Variants in BEND6 observed in about 807,000 individuals in gnomAD.
BEND6 encodes the protein BEN domain-containing protein 6.
Under a neutral mutation model 31.8 loss-of-function variants are expected in BEND6, and 24 were observed. That is an observed-to-expected ratio of 0.75 (90% CI 0.55 to 1.06). BEND6 has a LOEUF of 1.06. BEND6 is among the 50% of genes least tolerant of loss of function. The probability of loss-of-function intolerance (pLI) is 0.00; values close to 1 mark genes in which losing one functional copy is unlikely to be tolerated. For missense variants in BEND6, 294 were observed against 327.4 expected, an observed-to-expected ratio of 0.90 and a Z score of 0.79; for synonymous variants, 109 against 114.6, an observed-to-expected ratio of 0.95 and a Z score of 0.31.
chr6:56,975,950 G>A (rs1325718450), intron 1 of BEND6: 15 of 529,618 alleles, frequency 2.8e-5, no homozygotes, highest in African/African-American at 5.8e-5. Context: ...CAGCACCAGA[G>A]CATACACAGT....
intron 3 of BEND6, among the ~76,000 whole-genome samples, chr6:57,001,155 CTTTTTT>C (rs33918532): frequency 1.7e-5 from 2 of 118,240 alleles, no homozygotes; most frequent in Non-Finnish European, 1.8e-5. Context: ...AAGAAAAAGT[CTTTTTT>C]TTTTTTTTTT....
intron 4 of BEND6, among the ~76,000 whole-genome samples, chr6:57,016,375 T>C (rs991052263): frequency 5.6e-4 from 85 of 152,258 alleles, no homozygotes; most frequent in African/African-American, 2.0e-3. Context: ...CTTAGAGTTC[T>C]ATAGATCAGA....
chr6:57,024,433 G>T (rs1303788662), intron 6 of BEND6, among the ~76,000 whole-genome samples: 1 of 151,930 alleles, frequency 6.6e-6, no homozygotes, highest in African/African-American at 2.4e-5. Flanking sequence ...CTCTGGGAAA[G>T]ATTTTACATA....
intron 1 of BEND6, among the ~76,000 whole-genome samples, chr6:56,973,670 G>A (rs1825771154): frequency 6.6e-6 from 1 of 152,180 alleles, no homozygotes; most frequent in South Asian, 2.1e-4. Flanking sequence ...GGATACGCTG[G>A]ACAAAGGGAC....
At chr6:56,992,952 A>G (rs1826565032) in intron 3 of BEND6, among the ~76,000 whole-genome samples, 1 of 152,208 alleles carries the variant, frequency 6.6e-6, no homozygotes, top group South Asian at 2.1e-4. Context: ...TCTCTAGAAA[A>G]TGGAGCTTAT....
intron 2 of BEND6, among the ~76,000 whole-genome samples, chr6:56,988,785 T>C (rs746628046): frequency 1.5e-4 from 23 of 152,156 alleles, no homozygotes; most frequent in Non-Finnish European, 2.9e-5. Context: ...TCCCAGCACT[T>C]TGGGAGTCCG....
intron 2 of BEND6, among the ~76,000 whole-genome samples, chr6:56,983,958 C>A (rs902049081): frequency 2.6e-5 from 4 of 152,114 alleles, no homozygotes; most frequent in African/African-American, 9.7e-5. Flanking sequence ...GTGGCTTACA[C>A]CTATAATCCC....
intron 2 of BEND6, among the ~76,000 whole-genome samples, chr6:56,991,129 A>G (rs1826482321): frequency 6.6e-6 from 1 of 152,156 alleles, no homozygotes; most frequent in South Asian, 2.1e-4. Context: ...AACATTTAAA[A>G]ATAAATTAAT....
At chr6:57,018,669 A>G (rs1003891427) in intron 6 of BEND6, 112 bp downstream of exon 6, 3 of 1,111,214 alleles carry the variant, frequency 2.7e-6, no homozygotes, top group Non-Finnish European at 3.5e-6. Context: ...CTAGTGACCC[A>G]TGAAAAGCTA....
intron 1 of BEND6, among the ~76,000 whole-genome samples, chr6:56,957,066 C>T (rs956986235): frequency 5.3e-5 from 8 of 152,214 alleles, no homozygotes; most frequent in Non-Finnish European, 1.0e-4. Flanking sequence ...ATGTCAAAGA[C>T]ACACAGAATA....
At chr6:56,985,014 C>T (rs1268022977) in intron 2 of BEND6, among the ~76,000 whole-genome samples, 1 of 152,328 alleles carries the variant, frequency 6.6e-6, no homozygotes, top group African/African-American at 2.4e-5. Context: ...TGTCTGCTTG[C>T]ACACTGACCA....
At chr6:56,979,188 A>C (rs1260591354) in intron 1 of BEND6, among the ~76,000 whole-genome samples, 1 of 152,172 alleles carries the variant, frequency 6.6e-6, no homozygotes, top group Admixed American at 6.5e-5. Context: ...CCTAACCTTT[A>C]ATTGGGAGTA....
At chr6:56,975,854 C>G in intron 1 of BEND6, 1 of 528,424 alleles carries the variant, frequency 1.9e-6, no homozygotes, top group Admixed American at 2.0e-5. Flanking sequence ...CCTCTAATGC[C>G]TATGTTCATC....
At chr6:57,021,825 G>T (rs763884905) in intron 6 of BEND6, among the ~76,000 whole-genome samples, 1 of 152,130 alleles carries the variant, frequency 6.6e-6, no homozygotes, top group Non-Finnish European at 1.5e-5. Flanking sequence ...TAATACAGTG[G>T]TGCTAAAATG....
chr6:57,009,967 T>C (rs1468569862), intron 3 of BEND6: 1 of 138,384 alleles, frequency 7.2e-6, no homozygotes, highest in Non-Finnish European at 1.6e-5. Flanking sequence ...AACTTTCCCT[T>C]TGTAGAACTC....
Position 57,027,252 on chromosome 6 carries a change from T to C in BEND6, c.*1180T>C, listed in dbSNP as rs1181462666. 6.6e-6 allele frequency: 1 copy of C among 152,250 alleles called. No individual in the cohort carries two copies. The allele number at this position is 152,250 out of a possible 1,614,324, so 9.4% of individuals were successfully genotyped here. A position where few individuals can be genotyped will look rare whatever the true frequency, so the allele number is the denominator to read the frequency against. ...TTCCATAAGTCTTGCTTGATAACAA[T>C]GTGATTGTACAAAATAAATGTTCTT... is the stretch of plus-strand genomic sequence containing the variant. On this transcript the variant is annotated 3_prime_UTR_variant, in exon 7 of 7. Transcript: ENST00000370746.
intron 6 of BEND6, among the ~76,000 whole-genome samples, chr6:57,022,619 G>T (rs1827786130): frequency 6.6e-6 from 1 of 151,120 alleles, no homozygotes; most frequent in South Asian, 2.1e-4. Context: ...TTTTTTGTTT[G>T]TTTGTTTTTT....
chr6:56,989,073 T>C (rs1479918949), intron 2 of BEND6, among the ~76,000 whole-genome samples: 2 of 151,118 alleles, frequency 1.3e-5, no homozygotes, highest in African/African-American at 4.8e-5. Context: ...AATAGTTTTA[T>C]AAAAATATAT....
At chr6:56,959,739 C>T (rs1484844337) in intron 1 of BEND6, among the ~76,000 whole-genome samples, 1 of 152,134 alleles carries the variant, frequency 6.6e-6, no homozygotes, top group African/African-American at 2.4e-5. Flanking sequence ...TTATTTTCAG[C>T]AAATATTCCC....
Sources: allele counts gnomAD v4.1 joint callset (sites outside exome capture counted in the v4.1 genomes callset), GRCh38; gene constraint gnomAD v4.1.1; transcripts MANE v1.5; gene names NCBI Gene and HGNC (gene_info 2026-07-23, HGNC 2026-07-21).